The following SNAPC4 variants were observed in gnomAD, a reference collection of about 807,000 sequenced individuals.
The protein encoded by SNAPC4 is snRNA-activating protein complex subunit 4.
Under a neutral mutation model 151.3 loss-of-function variants are expected in SNAPC4, and 127 were observed. The ratio of observed to expected loss-of-function variants is 0.84; its 90% CI spans 0.73 to 0.97. The LOEUF (loss-of-function observed/expected upper bound fraction) is 0.97, where lower values mean the gene tolerates loss of function less well. Among genes scored for constraint, SNAPC4 ranks in the 50% least tolerant of loss-of-function variants. The probability of loss-of-function intolerance (pLI) is 0.00; values close to 1 mark genes in which losing one functional copy is unlikely to be tolerated. For missense variants in SNAPC4, 2,186 were observed against 1,935.0 expected, an observed-to-expected ratio of 1.13 and a Z score of -2.43; for synonymous variants, 1,002 against 824.4, an observed-to-expected ratio of 1.22 and a Z score of -3.69.
chr9:136,397,016 C>G lies in SNAPC4; in HGVS notation c.138G>C (p.Leu46=). Residue 46 remains leucine (L), a synonymous_variant, in exon 3 of 24, where the codon CTG becomes CTC. Coordinates refer to ENST00000684778, the MANE Select transcript of SNAPC4 (RefSeq NM_003086.4). ...CGGCAGGATCCAAGTCCTCAGAAGG[C>G]AGTGAATCTGTCAGAAACACAAGCA... ...SLESDSEADS[L]PSEDLDPADP... 1 of 1,612,902 alleles carries G rather than the reference C, an allele frequency of 6.2e-7. No homozygotes were observed.
Position 136,392,121 on chromosome 9 carries a change from A to T in SNAPC4, c.811-15T>A. ...CTGCCTTCAAACTGCACCGACAGAG[A>T]CACTCAGCCTTGCAGGCCACTGACC... On this transcript the variant is annotated splice_polypyrimidine_tract_variant and intron_variant, in intron 9 of 23. Transcript: ENST00000684778. The T allele has an allele frequency of 6.2e-7, 1 of 1,610,822 alleles. No individual in the cohort carries two copies.
In SNAPC4 at chr9:136,380,771, C is replaced by G; in HGVS notation, c.2468G>C (p.Gly823Ala). The change falls in exon 20 of 24, where the codon GGT becomes GCT. Residue 823 changes from glycine (G) to alanine (A), a missense_variant. Physicochemically the swap from Gly to Ala is moderately conservative, Grantham distance 60. Coordinates refer to ENST00000684778, the MANE Select transcript of SNAPC4 (RefSeq NM_003086.4). ...KALPPRLPQA[G>A]ARDPPVHLLQ... ...AAGATGAACTGGTGGGTCCCGAGCA[C>G]CAGCCTGGGGCAGCCTGGGTGGCAG... 3 of 1,610,782 alleles carry G rather than the reference C, an allele frequency of 1.9e-6. No homozygotes were observed. The highest frequency in any genetic ancestry group is 2.5e-6 in the Non-Finnish European group (3 of 1,178,000).
intron 7 of SNAPC4, among the ~76,000 whole-genome samples, chr9:136,393,437 C>T (rs1834150551): frequency 6.6e-6 from 1 of 152,180 alleles, no homozygotes; most frequent in Non-Finnish European, 1.5e-5. Flanking sequence ...GCTGCTGGGT[C>T]TCTGGGCTCT....
rs777961586 is a variant in SNAPC4 at position 136,394,330 on chromosome 9, C to T, written c.551G>A (p.Trp184Ter). 6.2e-7 allele frequency: 1 copy of T among 1,613,374 alleles called. No homozygotes were observed. Among genetic ancestry groups the T allele is most frequent in the Non-Finnish European group, 8.5e-7 (1 of 1,179,616 alleles). Residue 184 changes from tryptophan (W) to a stop codon, truncating the protein, a stop_gained and splice_region_variant, in exon 7 of 24, where the codon TGG (tryptophan) becomes TAG (stop). Transcript: ENST00000684778. LOFTEE classifies it high-confidence loss of function. Reference protein sequence around the residue: ...KAFEELLVTKWKNWEKALLRK... With the variant: ...KAFEELLVTK ...GAGCAAGGCCTTTTCCCAGTTTTTCCCTGAGGAGAAGCCACAGCATCATCA... is the reference window on the plus strand; with the variant it reads ...GAGCAAGGCCTTTTCCCAGTTTTTCTCTGAGGAGAAGCCACAGCATCATCA...
intron 21 of SNAPC4, 30 bp downstream of exon 21, chr9:136,379,807 T>C: frequency 6.2e-7 from 1 of 1,610,364 alleles, no homozygotes; most frequent in Non-Finnish European, 8.5e-7. Flanking sequence ...GTTAGGTCTC[T>C]TCCCCACCAG....
chr9:136,387,404 G>GC, intron 13 of SNAPC4, 81 bp downstream of exon 13: 1 of 973,012 alleles, frequency 1.0e-6, no homozygotes, highest in Non-Finnish European at 1.6e-6. Flanking sequence ...CTGTCCCCCA[G>GC]CCCGCCCACA....
rs762287176 is a variant in SNAPC4, at chr9:136,377,783, C to T, written c.4044G>A (p.Leu1348=). 3.1e-6 allele frequency: 5 copies of T among 1,611,866 alleles called. No homozygotes were observed. In the Admixed American group the frequency reaches 5.0e-5, roughly 16 times the overall value. Residue 1348 remains leucine (L), a synonymous_variant, in exon 22 of 24, where the codon CTG becomes CTA. Transcript: ENST00000684778. ...ERPAGALQAS[L]GLVRGQLQDN... is the part of the protein sequence containing the mutation. The stretch of plus-strand genomic sequence containing the variant: ...CCTGGAGCTGCCCCCGCACCAGCCC[C>T]AGTGAGGCTTGCAGTGCTCCGGCCG...
intron 1 of SNAPC4, 36 bp from the exon 2 acceptor site, chr9:136,398,473 A>G (rs766417334): frequency 9.4e-6 from 15 of 1,598,058 alleles, no homozygotes; most frequent in Non-Finnish European, 1.3e-5. Flanking sequence ...GTTAGAAACC[A>G]AGACCGTGCC....
chr9:136,383,729 C>G lies in SNAPC4; in HGVS notation c.1501-61G>C, dbSNP rs1833792785. ...AAGCCCGGTTCACCCATGATGGCAG[C>G]AAGCAGGCCAGCCCTTTGGGGAGAG... On this transcript the variant is annotated intron_variant, in intron 15 of 23. Transcript: ENST00000684778. This position sits in a 1 kb window ranked among gnomAD's most constrained non-coding sequence, Gnocchi z 4.2. The G allele has an allele frequency of 6.4e-7, 1 of 1,553,988 alleles. No individual in the cohort carries two copies. Among genetic ancestry groups the G allele is most frequent in the African/African-American group, 1.4e-5 (1 of 73,844 alleles).
In SNAPC4 at chr9:136,379,112, G is replaced by A. The variant is rs200037674; in HGVS notation, c.2715C>T (p.Ala905=). 4.5e-6 allele frequency: 7 copies of A among 1,562,418 alleles called. No homozygotes were observed. In the East Asian group the frequency reaches 1.6e-4, roughly 36 times the overall value. ...ELLQEKRLQE[A]RAREATRGPV... ...GGCCCCGGGTGGCCTCCCTGGCACG[G>A]GCCTCCTGAAGCCGCTTCTCCTGAA... The change falls in exon 22 of 24, where the codon GCC becomes GCT. Residue 905 remains alanine (A), a synonymous_variant. Transcript: ENST00000684778.
chr9:136,379,746 G>A lies in SNAPC4; in HGVS notation c.2527+91C>T, dbSNP rs1379415795. 46 of 1,175,164 alleles carry A rather than the reference G, an allele frequency of 3.9e-5. 1 individual carries two copies. The Admixed American group carries it at 6.6e-4, about 17-fold the overall frequency. The allele number at this position is 1,175,164 out of a possible 1,614,324, so 72.8% of individuals were successfully genotyped here. A position where few individuals can be genotyped will look rare whatever the true frequency, so the allele number is the denominator to read the frequency against. On this transcript the variant is annotated intron_variant, in intron 21 of 23. Transcript: ENST00000684778. Reference sequence around the variant, plus strand: ...GGGCCACAGGCTGTGCTGCTTGGGGGCTGTGGGTGAAAGCCAGGGCCAGGT... The same window carrying A: ...GGGCCACAGGCTGTGCTGCTTGGGGACTGTGGGTGAAAGCCAGGGCCAGGT...
Position 136,392,595 on chromosome 9 carries a change from C to A in SNAPC4, c.738-1G>T. ...CAGCAAGGCCTCTTCTGGAAGCTGG[C>A]TGGTGGAAGGGATGAGGGTATTGGC... is the stretch of plus-strand genomic sequence containing the variant. On this transcript the variant is annotated splice_acceptor_variant, in intron 8 of 23. Coordinates refer to ENST00000684778, the MANE Select transcript of SNAPC4 (RefSeq NM_003086.4). LOFTEE classifies it high-confidence loss of function. The A allele has an allele frequency of 1.9e-6, 3 of 1,613,904 alleles. No homozygotes were observed. Among genetic ancestry groups the A allele is most frequent in the Non-Finnish European group, 1.7e-6 (2 of 1,180,018 alleles).
chr9:136,386,491 A>G (rs1833894112), intron 13 of SNAPC4, among the ~76,000 whole-genome samples: 2 of 150,186 alleles, frequency 1.3e-5, no homozygotes, highest in Non-Finnish European at 2.9e-5. Context: ...CTAGAGTGCA[A>G]TGGCGTGATC....
In SNAPC4 at chr9:136,392,637, G is replaced by A. The variant is rs1209162095; in HGVS notation, c.737+36C>T. 3.7e-6 allele frequency: 6 copies of A among 1,613,192 alleles called. No homozygotes were observed. In the South Asian group the frequency reaches 5.5e-5, roughly 15 times the overall value. The stretch of plus-strand genomic sequence containing the variant: ...GGTATTGGCACCACGCCTGGCTTGT[G>A]GGCTCCCCTGGGCCCTCCCGGGAGG... On this transcript the variant is annotated intron_variant, in intron 8 of 23. Coordinates refer to ENST00000684778, the MANE Select transcript of SNAPC4 (RefSeq NM_003086.4).
In SNAPC4 at chr9:136,383,265, T is replaced by C. The variant is rs1319858455; in HGVS notation, c.1904A>G (p.His635Arg). The C allele has an allele frequency of 1.2e-6, 2 of 1,610,680 alleles. No homozygotes were observed. Among genetic ancestry groups the C allele is most frequent in the African/African-American group, 1.3e-5 (1 of 74,866 alleles). Residue 635 changes from histidine (H) to arginine (R), a missense_variant, in exon 16 of 24, where the codon CAC (histidine) becomes CGC (arginine). By Grantham distance (29) the His-to-Arg change is conservative. Transcript: ENST00000684778. This position sits in a 1 kb window ranked among gnomAD's most constrained non-coding sequence, Gnocchi z 4.2. ...CTGGGCAGACCTCGGGACAGGGCCG[T>C]GGGCCCTGGCAGGGACCTGCACCGG... The part of the protein sequence containing the change: ...TSPVQVPARA[H>R]GPVPRSAQAS...
intron 7 of SNAPC4, among the ~76,000 whole-genome samples, chr9:136,393,050 C>G (rs993428350): frequency 6.6e-6 from 1 of 152,222 alleles, no homozygotes; most frequent in African/African-American, 2.4e-5. Flanking sequence ...TCCGGAGCCT[C>G]AGTGCCCCAG....
chr9:136,382,171 C>T, intron 17 of SNAPC4, 82 bp downstream of exon 17: 1 of 1,586,714 alleles, frequency 6.3e-7, no homozygotes. Flanking sequence ...CCCATCAGGG[C>T]ATGATCGACG....
rs759863701 is a variant in SNAPC4 at position 136,398,399 on chromosome 9, TATC to T, written c.27_29del (p.Ile10del). On this transcript the variant is annotated inframe_deletion, in exon 2 of 24. Coordinates refer to ENST00000684778, the MANE Select transcript of SNAPC4 (RefSeq NM_003086.4). The stretch of plus-strand genomic sequence containing the variant: ...TTTCCAGCTCCTTGATCTCCTGTGT[TATC>T]TTCTCTCTTTCAGCATCTACATCCA... 6.2e-7 allele frequency: 1 copy of T among 1,613,732 alleles called. No individual in the cohort carries two copies. Among genetic ancestry groups the T allele is most frequent in the South Asian group, 1.1e-5 (1 of 91,072 alleles).
intron 1 of SNAPC4, 89 bp from the exon 2 acceptor site, chr9:136,398,526 G>T: frequency 6.8e-7 from 1 of 1,471,890 alleles, no homozygotes; most frequent in Non-Finnish European, 9.3e-7. Flanking sequence ...ATGGGGGATG[G>T]CAGGAGCCTG....
Sources: allele counts gnomAD v4.1 joint callset (sites outside exome capture counted in the v4.1 genomes callset), GRCh38; gene constraint gnomAD v4.1.1; non-coding constraint Gnocchi (gnomAD v3.1); transcripts MANE v1.5; gene names NCBI Gene and HGNC (gene_info 2026-07-23, HGNC 2026-07-21).